Variants in DROSHA observed in about 807,000 individuals in gnomAD.
The protein encoded by DROSHA is drosha ribonuclease III.
DROSHA carries 56 observed loss-of-function variants against 181.9 expected under a neutral mutation model. The observed-to-expected ratio is 0.31, with a 90% CI of 0.25 to 0.38. The LOEUF is 0.38. Ranked by LOEUF, DROSHA falls within the 10% of genes least tolerant of loss-of-function variation. DROSHA has a pLI of 1.00. For synonymous variants in DROSHA, 524 were observed against 591.2 expected (o/e 0.89, Z 1.65); for missense variants, 1,218 against 1,743.5 (o/e 0.70, Z 5.37).
In DROSHA at chr5:31,526,540, TG is replaced by T; in HGVS notation, c.392del (p.Pro131GlnfsTer15). On this transcript the variant is annotated frameshift_variant, in exon 5 of 36. Transcript: ENST00000344624. LOFTEE classifies it high-confidence loss of function. ...CTTGTCCAGGAGGTGCCCCAGGGAC[TG>T]GGGGGTTATTAGGACAAGGCATTGG... ...PPPMPCPNNP[P>X]VPGAPPGQGT... 1 of 1,550,658 alleles carries T rather than the reference TG, an allele frequency of 6.4e-7. No homozygotes were observed.
At chr5:31,463,741 T>C (rs1202730931) in intron 20 of DROSHA, among the ~76,000 whole-genome samples, 4 of 152,198 alleles carry the variant, frequency 2.6e-5, no homozygotes, top group Admixed American at 6.5e-5. Flanking sequence ...AGGGAAAATA[T>C]ATTATCATTT....
At chr5:31,458,246 G>A (rs1747897002) in intron 20 of DROSHA, among the ~76,000 whole-genome samples, 1 of 152,162 alleles carries the variant, frequency 6.6e-6, no homozygotes, top group Admixed American at 6.5e-5. Flanking sequence ...TTACTGGGAT[G>A]TAACCCCATT....
rs975192431 is a variant in DROSHA, at chr5:31,483,748, A to C, written c.1997-120T>G. 6 of 966,050 alleles carry C rather than the reference A, an allele frequency of 6.2e-6. No individual in the cohort carries two copies. The African/African-American group carries it at 8.3e-5, about 13-fold the overall frequency. 59.8% of individuals were successfully genotyped at this position (966,050 alleles called of 1,614,324 possible). On this transcript the variant is annotated intron_variant, in intron 15 of 35. Coordinates refer to ENST00000344624, the MANE Select transcript of DROSHA (RefSeq NM_001382508.1). ...AAAAACTACCACCAGAAGTAGAGGC[A>C]TAAAAATTACCACCACCTCCTGCCA...
chr5:31,402,270 C>A (rs1041236609), intron 35 of DROSHA, among the ~76,000 whole-genome samples: 1 of 152,122 alleles, frequency 6.6e-6, no homozygotes, highest in African/African-American at 2.4e-5. Flanking sequence ...AAGGACAATG[C>A]GTAGTGAAGT....
At chr5:31,482,829 T>A (rs533917845) in intron 16 of DROSHA, among the ~76,000 whole-genome samples, 12 of 149,460 alleles carry the variant, frequency 8.0e-5, no homozygotes, top group East Asian at 6.0e-4. Flanking sequence ...TTTTTTTTTT[T>A]AATTTTTAGA....
At chr5:31,487,507 GGCTA>G (rs1457236965) in intron 13 of DROSHA, among the ~76,000 whole-genome samples, 1 of 152,210 alleles carries the variant, frequency 6.6e-6, no homozygotes, top group African/African-American at 2.4e-5. Flanking sequence ...AGAATTGGCT[GGCTA>G]GCTGGGGAAA....
chr5:31,468,381 C>T (rs1262629185), intron 17 of DROSHA, among the ~76,000 whole-genome samples: 2 of 152,174 alleles, frequency 1.3e-5, no homozygotes, highest in South Asian at 2.1e-4. Context: ...TCTCTGAAGG[C>T]ACAGGGGAAG....
chr5:31,450,389 T>C (rs891927685), intron 21 of DROSHA, among the ~76,000 whole-genome samples: 4 of 152,208 alleles, frequency 2.6e-5, no homozygotes, highest in African/African-American at 9.7e-5. Flanking sequence ...TCTATGCTTA[T>C]TGCAGCACAA....
chr5:31,494,413 G>A (rs75650963), intron 12 of DROSHA, among the ~76,000 whole-genome samples: 1,780 of 152,232 alleles, frequency 0.012, 34 homozygotes, highest in African/African-American at 0.032. Flanking sequence ...AAAGAATATC[G>A]AAATATCTAT....
At chr5:31,464,855 A>G (rs940557325) in intron 19 of DROSHA, among the ~76,000 whole-genome samples, 1 of 152,186 alleles carries the variant, frequency 6.6e-6, no homozygotes, top group Admixed American at 6.5e-5. Flanking sequence ...ATGATTAGGA[A>G]CTAACTCTTC....
intron 13 of DROSHA, among the ~76,000 whole-genome samples, chr5:31,487,623 C>T (rs1346794360): frequency 1.3e-5 from 2 of 152,074 alleles, no homozygotes; most frequent in Non-Finnish European, 2.9e-5. Flanking sequence ...TTTCATAAAC[C>T]ACAGCAATCA....
intron 4 of DROSHA, among the ~76,000 whole-genome samples, chr5:31,527,977 A>G (rs956421119): frequency 2.6e-5 from 4 of 151,936 alleles, no homozygotes; most frequent in Non-Finnish European, 4.4e-5. Flanking sequence ...CTGTGCAGCA[A>G]TCAGTCCAGT....
chr5:31,409,359 A>G lies in DROSHA; in HGVS notation c.3668-27T>C, dbSNP rs1741025606. On this transcript the variant is annotated intron_variant, in intron 31 of 35. Coordinates refer to ENST00000344624, the MANE Select transcript of DROSHA (RefSeq NM_001382508.1). This position sits in a 1 kb window ranked among gnomAD's most constrained non-coding sequence, Gnocchi z 4.0. ...TGGGGAAAAAAGAATACTTTAAAAT[A>G]AACCACAATCACTGCCATCTATCAG... 2 of 1,551,882 alleles carry G rather than the reference A, an allele frequency of 1.3e-6. No homozygotes were observed. The highest frequency in any genetic ancestry group is 2.4e-5 in the East Asian group (1 of 41,280).
At chr5:31,469,356 C>CA (rs1341357018) in intron 17 of DROSHA, among the ~76,000 whole-genome samples, 6 of 149,982 alleles carry the variant, frequency 4.0e-5, no homozygotes, top group Non-Finnish European at 5.9e-5. Context: ...GACTCTGTCT[C>CA]AAAAAACAAA....
rs142654159 is a variant in DROSHA at position 31,416,768 on chromosome 5, T to G, written c.3525+4504A>C. Among the ~76,000 whole-genome samples, 55 of 152,246 alleles carry G rather than the reference T, an allele frequency of 3.6e-4. No individual in the cohort carries two copies. In the East Asian group the frequency reaches 7.0e-3, roughly 19 times the overall value. ...GCAGAGTGAGAACAAGAGCCTGTGG[T>G]ACGAGGCTGGGCAGGCGGGCAAGGC... On this transcript the variant is annotated intron_variant, in intron 30 of 35. Coordinates refer to ENST00000344624, the MANE Select transcript of DROSHA (RefSeq NM_001382508.1).
chr5:31,406,826 G>A (rs1317657798), intron 34 of DROSHA, 27 bp downstream of exon 34: 1 of 1,600,634 alleles, frequency 6.2e-7, no homozygotes, highest in Admixed American at 1.7e-5. Flanking sequence ...TTCATTCAAA[G>A]CAATTCCAGG....
At chr5:31,498,683 C>T (rs11742762) in intron 11 of DROSHA, among the ~76,000 whole-genome samples, 1 of 151,970 alleles carries the variant, frequency 6.6e-6, no homozygotes, top group Non-Finnish European at 1.5e-5. Flanking sequence ...CATGGAGAAA[C>T]CCCATCTCTA....
chr5:31,489,933 C>T (rs1005016011), intron 13 of DROSHA, among the ~76,000 whole-genome samples: 12 of 152,026 alleles, frequency 7.9e-5, no homozygotes, highest in African/African-American at 2.9e-4. Flanking sequence ...GGCTGGAGTG[C>T]GGTGACGCGA....
At chr5:31,500,759 A>T (rs1242449615) in intron 11 of DROSHA, among the ~76,000 whole-genome samples, 1 of 152,188 alleles carries the variant, frequency 6.6e-6, no homozygotes, top group African/African-American at 2.4e-5. Flanking sequence ...ATCCTGAAAC[A>T]AGAGATGCCA....
Sources: allele counts gnomAD v4.1 joint callset (sites outside exome capture counted in the v4.1 genomes callset), GRCh38; gene constraint gnomAD v4.1.1; non-coding constraint Gnocchi (gnomAD v3.1); transcripts MANE v1.5; gene names NCBI Gene and HGNC (gene_info 2026-07-23, HGNC 2026-07-21).